Variants in HPS5 observed in about 807,000 individuals in gnomAD.
The protein encoded by HPS5 is BLOC-2 complex member HPS5.
HPS5 carries 83 observed loss-of-function variants against 128.0 expected under a neutral mutation model. The observed-to-expected ratio is 0.65, with a 90% CI of 0.54 to 0.78. The LOEUF (loss-of-function observed/expected upper bound fraction) is 0.78. Ranked by LOEUF, HPS5 falls within the 30% of genes least tolerant of loss-of-function variation. The pLI is 0.00. For missense variants in HPS5, 1,281 were observed against 1,326.2 expected, an observed-to-expected ratio of 0.97 and a Z score of 0.53; for synonymous variants, 475 against 470.2, an observed-to-expected ratio of 1.01 and a Z score of -0.13.
Position 18,284,435 on chromosome 11 carries a change from C to G in HPS5, c.2952-534G>C, listed in dbSNP as rs529979109. ...TTTTGCTGCCCTACTAATCACCAAT[C>G]CACTCATATCTGAATTACTCCAACA... On this transcript the variant is annotated intron_variant, in intron 20 of 22. Coordinates refer to ENST00000349215, the MANE Select transcript of HPS5 (RefSeq NM_181507.2). 2.0e-5 allele frequency among the ~76,000 whole-genome samples: 3 copies of G among 152,310 alleles called. No individual in the cohort carries two copies. The East Asian group carries it at 5.8e-4, about 29-fold the overall frequency.
intron 8 of HPS5, among the ~76,000 whole-genome samples, 190 bp from the exon 9 acceptor site, chr11:18,301,106 T>C (rs1861648784): frequency 6.6e-6 from 1 of 152,088 alleles, no homozygotes; most frequent in African/African-American, 2.4e-5. Flanking sequence ...ATAAATAGCA[T>C]AAAATGATGC....
chr11:18,311,813 G>A (rs1413792712), intron 3 of HPS5, 101 bp downstream of exon 3: 2 of 960,264 alleles, frequency 2.1e-6, no homozygotes, highest in Middle Eastern at 2.1e-4. Flanking sequence ...ACCAAGCCAA[G>A]TTCTACATTC....
In HPS5 at chr11:18,306,155, A is replaced by AG; in HGVS notation, c.803dup (p.Leu269SerfsTer13). ...GTTACCTGAGAGTAATCACAGGGAG[A>AG]GGTGGCAACGAGAGGAGTTTCTTGA... is the stretch of plus-strand genomic sequence containing the variant. On this transcript the variant is annotated frameshift_variant, in exon 7 of 23. Transcript: ENST00000349215. LOFTEE classifies it high-confidence loss of function. The AG allele has an allele frequency of 1.2e-6, 2 of 1,611,616 alleles. No individual in the cohort carries two copies. The highest frequency in any genetic ancestry group is 1.7e-6 in the Non-Finnish European group (2 of 1,177,708).
In HPS5 at chr11:18,310,896, G is replaced by T. The variant is rs201474405; in HGVS notation, c.322C>A (p.Arg108Ser). ...TACATTTGTTCCGGTTTCCCACGAC[G>T]CTCTTGATTTAATTCCCAAACAACC... is the stretch of plus-strand genomic sequence containing the variant. ...LVVVWELNQE[R>S]RGKPEQMYVS... Residue 108 changes from arginine (R) to serine (S), a missense_variant, in exon 5 of 23, where the codon CGT becomes AGT. By Grantham distance (110) the Arg-to-Ser change is moderately radical (BLOSUM62 -1). Transcript: ENST00000349215. The T allele has an allele frequency of 2.5e-6, 4 of 1,613,928 alleles. No homozygotes were observed. Among genetic ancestry groups the T allele is most frequent in the African/African-American group, 1.3e-5 (1 of 74,900 alleles).
chr11:18,305,370 A>C lies in HPS5; in HGVS notation c.896+52T>G, dbSNP rs78753023. 667 of 1,203,704 alleles carry C rather than the reference A, an allele frequency of 5.5e-4. 4 individuals are homozygous for C. In the African/African-American group the frequency reaches 8.7e-3, roughly 16 times the overall value. The allele number at this position is 1,203,704 out of a possible 1,614,324, so 74.6% of individuals were successfully genotyped here. ...TACTTCTGAACAAGAAACAGAGATA[A>C]AAATCTAAGTATTCTTTTTCCCCCC... On this transcript the variant is annotated intron_variant, in intron 8 of 22. Coordinates refer to ENST00000349215, the MANE Select transcript of HPS5 (RefSeq NM_181507.2).
intron 16 of HPS5, among the ~76,000 whole-genome samples, chr11:18,288,972 T>C (rs758865941): frequency 5.3e-5 from 8 of 151,996 alleles, no homozygotes; most frequent in Non-Finnish European, 1.0e-4. Context: ...AGGGTCTTGC[T>C]ACATTGCATA....
In HPS5 at chr11:18,287,760, T is replaced by C. The variant is rs1013038009; in HGVS notation, c.2562-70A>G. 188 of 1,592,728 alleles carry C rather than the reference T, an allele frequency of 1.2e-4. 2 individuals carry two copies. In the East Asian group the frequency reaches 4.2e-3, roughly 36 times the overall value. ...TTATATAACTTGGTTACATTTAGGT[T>C]ACTTATTACAAATGAAAATAAATAT... On this transcript the variant is annotated intron_variant, in intron 17 of 22. Transcript: ENST00000349215.
intron 15 of HPS5, among the ~76,000 whole-genome samples, chr11:18,292,485 C>T (rs556076236): frequency 3.3e-5 from 5 of 152,292 alleles, no homozygotes; most frequent in East Asian, 3.9e-4. Flanking sequence ...TGAGCCACCA[C>T]GCCCAGCCTA....
chr11:18,311,367 GT>G lies in HPS5; in HGVS notation c.284+19del. On this transcript the variant is annotated intron_variant, in intron 4 of 22. Transcript: ENST00000349215. Reference sequence around the variant, plus strand: ...AAATGCATTTGAAAAAGGACAGATAGTTTTGGAACAGATTCTTACCTGGTAG... The same window carrying G: ...AAATGCATTTGAAAAAGGACAGATAGTTTGGAACAGATTCTTACCTGGTAG... 1 of 1,534,912 alleles carries G rather than the reference GT, an allele frequency of 6.5e-7. No homozygotes were observed. Among genetic ancestry groups the G allele is most frequent in the Non-Finnish European group, 9.0e-7 (1 of 1,108,982 alleles).
In HPS5 at chr11:18,291,660, G is replaced by A; in HGVS notation, c.2222C>T (p.Thr741Ile). The change falls in exon 16 of 23, where the codon ACA becomes ATA. Residue 741 changes from threonine to isoleucine, a missense_variant. Transcript: ENST00000349215. ...SGLRNDLAEL[T>I]TLCLELNVLN... ...TACATTCAACTCCAAACATAATGTTGTCAATTCAGCCAGGTCGTTCCGAAG... is the reference window on the plus strand; with the variant it reads ...TACATTCAACTCCAAACATAATGTTATCAATTCAGCCAGGTCGTTCCGAAG... 6.2e-7 allele frequency: 1 copy of A among 1,614,198 alleles called. No individual in the cohort carries two copies. Among genetic ancestry groups the A allele is most frequent in the Non-Finnish European group, 8.5e-7 (1 of 1,180,028 alleles).
rs1858564439 is a variant in HPS5, at chr11:18,279,108, G to A, written c.*774C>T. ...TTTATTTAATTTGTTTTTGAGACAG[G>A]GTCTTTCTCTGTCACCCAGACTGGT... On this transcript the variant is annotated 3_prime_UTR_variant, in exon 23 of 23. Coordinates refer to ENST00000349215, the MANE Select transcript of HPS5 (RefSeq NM_181507.2). 1 of 152,118 alleles carries A rather than the reference G, an allele frequency of 6.6e-6. No individual in the cohort carries two copies. The highest frequency in any genetic ancestry group is 2.4e-5 in the African/African-American group (1 of 41,444). 9.4% of individuals were successfully genotyped at this position (152,118 alleles called of 1,614,324 possible). A position where few individuals can be genotyped will look rare whatever the true frequency, so the allele number is the denominator to read the frequency against.
chr11:18,291,403 T>A, intron 16 of HPS5, 39 bp downstream of exon 16: 2 of 1,334,132 alleles, frequency 1.5e-6, no homozygotes, highest in South Asian at 2.5e-5. Context: ...TGTTTTTTAA[T>A]ACGAATTTCT....
In HPS5 at chr11:18,279,961, G is replaced by T; in HGVS notation, c.3330-19C>A. The T allele has an allele frequency of 1.2e-6, 2 of 1,612,808 alleles. No homozygotes were observed. Among genetic ancestry groups the T allele is most frequent in the African/African-American group, 1.3e-5 (1 of 75,002 alleles). On this transcript the variant is annotated intron_variant, in intron 22 of 22. Transcript: ENST00000349215. ...CAAGGCCCTGAAATCCCAAAGAAAA[G>T]AAACAAGCAAATTTAGTTGTCATTG...
At chr11:18,296,186 TA>T in intron 12 of HPS5, 64 bp from the exon 13 acceptor site, 2 of 1,549,210 alleles carry the variant, frequency 1.3e-6, no homozygotes, top group Admixed American at 1.7e-5. Flanking sequence ...TTTTAATCTT[TA>T]AAAAAATTCT....
chr11:18,300,996 TA>T, intron 8 of HPS5, 80 bp from the exon 9 acceptor site: 1 of 821,812 alleles, frequency 1.2e-6, no homozygotes, highest in Non-Finnish European at 2.1e-6. Flanking sequence ...ATCCTTGCAT[TA>T]GCTATTAAAG....
chr11:18,292,432 G>A (rs777786540), intron 15 of HPS5, among the ~76,000 whole-genome samples: 10 of 152,036 alleles, frequency 6.6e-5, no homozygotes, highest in Non-Finnish European at 8.8e-5. Flanking sequence ...AAGCTCAAGC[G>A]ATCCGCCCAC....
chr11:18,298,824 A>G lies in HPS5; in HGVS notation c.1132T>C (p.Cys378Arg). The G allele has an allele frequency of 1.9e-6, 3 of 1,614,218 alleles. No individual in the cohort carries two copies. Among genetic ancestry groups the G allele is most frequent in the Non-Finnish European group, 2.5e-6 (3 of 1,180,034 alleles). Residue 378 changes from cysteine to arginine, a missense_variant, in exon 10 of 23, where the codon TGT (cysteine) becomes CGT (arginine). Coordinates refer to ENST00000349215, the MANE Select transcript of HPS5 (RefSeq NM_181507.2). The part of the protein sequence containing the change: ...GLWNLAARTC[C>R]LFQNSVIASR... ...GCAATGACAGAATTTTGGAAAAGAC[A>G]GCATGTACGAGCAGCCAAGTTCCAT...
chr11:18,303,168 A>G (rs1469619807), intron 8 of HPS5, among the ~76,000 whole-genome samples: 1 of 152,204 alleles, frequency 6.6e-6, no homozygotes. Context: ...CGAATGAAAA[A>G]CATAAACAAA....
At chr11:18,304,269 T>G (rs7113749) in intron 8 of HPS5, among the ~76,000 whole-genome samples, 15,681 of 149,724 alleles carry the variant, frequency 0.1, 1,287 homozygotes, top group East Asian at 0.26. Context: ...CAGGCTGGAG[T>G]GCAATGGCAC....
Sources: allele counts gnomAD v4.1 joint callset (sites outside exome capture counted in the v4.1 genomes callset), GRCh38; gene constraint gnomAD v4.1.1; transcripts MANE v1.5; gene names NCBI Gene and HGNC (gene_info 2026-07-23, HGNC 2026-07-21).